Variants in SP3 observed in about 807,000 individuals in gnomAD.
The protein encoded by SP3 is Sp3 transcription factor.
In SP3, 10 loss-of-function variants were observed where a neutral mutation model predicts 70.3. That is an observed-to-expected ratio of 0.14 (90% confidence interval 0.09 to 0.24). SP3 has a LOEUF of 0.24. Among genes scored for constraint, SP3 ranks in the 10% least tolerant of loss-of-function variants. The pLI is 1.00. For synonymous variants in SP3, 402 were observed against 333.5 expected, an observed-to-expected ratio of 1.21 and a Z score of -2.24; for missense variants, 825 against 914.6, an observed-to-expected ratio of 0.90 and a Z score of 1.26.
At chr2:173,922,211 C>A (rs1559093425) in intron 4 of SP3, among the ~76,000 whole-genome samples, 1 of 151,590 alleles carries the variant, frequency 6.6e-6, no homozygotes, top group Non-Finnish European at 1.5e-5. Context: ...AAAGTAGAGT[C>A]AAAGACATCT....
At chr2:173,911,189 A>G (rs2105452708) in intron 6 of SP3, among the ~76,000 whole-genome samples, 1 of 152,318 alleles carries the variant, frequency 6.6e-6, no homozygotes, top group East Asian at 1.9e-4. Flanking sequence ...CTTAAAGACC[A>G]AATTTTATTA....
chr2:173,933,460 CCAT>C (rs1690123562), intron 4 of SP3, among the ~76,000 whole-genome samples: 1 of 151,428 alleles, frequency 6.6e-6, no homozygotes, highest in Admixed American at 6.6e-5. Context: ...TTATTCACAT[CCAT>C]CATAAGTCAG....
chr2:173,948,568 T>C (rs1191997789), intron 4 of SP3, among the ~76,000 whole-genome samples: 1 of 152,106 alleles, frequency 6.6e-6, no homozygotes, highest in East Asian at 1.9e-4. Context: ...AAACTAAAAA[T>C]TAAGCAATAT....
intron 5 of SP3, among the ~76,000 whole-genome samples, chr2:173,917,986 T>G (rs770387344): frequency 6.0e-5 from 9 of 151,214 alleles, no homozygotes; most frequent in Admixed American, 3.3e-4. Flanking sequence ...TCAGTCTGGA[T>G]CTTGTTTTTT....
chr2:173,933,638 T>TTATGTATATATATA (rs1690128509), intron 4 of SP3, among the ~76,000 whole-genome samples: 1 of 86,566 alleles, frequency 1.2e-5, no homozygotes, highest in Non-Finnish European at 2.4e-5. Context: ...TTATAAAACT[T>TTATGTATATATATA]TATATATATA....
rs765436338 is a variant in SP3, at chr2:173,913,026, G to A, written c.2029+44C>T. ...AAAAAGAAGTCAAGGCAGTTATGTAGCCCTATAATTCATTTTTGTCTGTTA... is the reference window on the plus strand; with the variant it reads ...AAAAAGAAGTCAAGGCAGTTATGTAACCCTATAATTCATTTTTGTCTGTTA... On this transcript the variant is annotated intron_variant, in intron 6 of 6. Coordinates refer to ENST00000310015, the MANE Select transcript of SP3 (RefSeq NM_003111.5). 9 of 1,414,638 alleles carry A rather than the reference G, an allele frequency of 6.4e-6. No individual in the cohort carries two copies. In the African/African-American group the frequency reaches 1.3e-4, roughly 20 times the overall value. The allele number at this position is 1,414,638 out of a possible 1,614,324, so 87.6% of individuals were successfully genotyped here.
intron 1 of SP3, 156 bp downstream of exon 1, chr2:173,965,009 G>C (rs1394031782): frequency 2.1e-6 from 2 of 933,420 alleles, no homozygotes; most frequent in Non-Finnish European, 3.1e-6. Context: ...TGGCGGGGAG[G>C]GGAGGGAGGC....
In SP3 at chr2:173,932,364, G is replaced by A. The variant is rs143213151; in HGVS notation, c.1640-13579C>T. Among the ~76,000 whole-genome samples, 724 of 152,176 alleles carry A rather than the reference G, an allele frequency of 4.8e-3. 12 individuals are homozygous for A. The highest frequency in any genetic ancestry group is 0.032 in the Admixed American group (492 of 15,276). On this transcript the variant is annotated intron_variant, in intron 4 of 6. Transcript: ENST00000310015. Reference sequence around the variant, plus strand: ...CTGCCATCACGCCCGGCTAATTTTTGTATTTTCTGTAGAGATGGGTTTCAC... The same window carrying A: ...CTGCCATCACGCCCGGCTAATTTTTATATTTTCTGTAGAGATGGGTTTCAC...
At chr2:173,964,674 C>A in intron 1 of SP3, 121 bp from the exon 2 acceptor site, 2 of 432,848 alleles carry the variant, frequency 4.6e-6, no homozygotes, top group East Asian at 3.7e-5. Flanking sequence ...TCCCCTCCCC[C>A]ACCCGCCCCC....
Position 173,955,911 on chromosome 2 carries a change from T to C in SP3, c.601A>G (p.Ser201Gly). Residue 201 changes from serine (S) to glycine (G), a missense_variant, in exon 4 of 7, where the codon AGC (serine) becomes GGC (glycine). Ser to Gly is a moderately conservative substitution (Grantham distance 56). Transcript: ENST00000310015. Reference sequence around the variant, plus strand: ...CCAGGAATGATCTGAATTTGACTGCTTTCTTGATTTATACCCCCATTATCT... The same window carrying C: ...CCAGGAATGATCTGAATTTGACTGCCTTCTTGATTTATACCCCCATTATCT... ...SSDNGGINQESSQIQIIPGSN... is the reference protein window; with the variant it reads ...SSDNGGINQEGSQIQIIPGSN... 2 of 1,614,196 alleles carry C rather than the reference T, an allele frequency of 1.2e-6. No homozygotes were observed. Among genetic ancestry groups the C allele is most frequent in the Non-Finnish European group, 1.7e-6 (2 of 1,180,030 alleles).
chr2:173,965,406 C>G (rs1395998376), upstream of SP3: 1 of 559,618 alleles, frequency 1.8e-6, no homozygotes, highest in Non-Finnish European at 3.2e-6. Context: ...CTCTTCTTGG[C>G]TCTCATTCGC....
At chr2:173,960,840 G>A (rs557822191) in intron 3 of SP3, among the ~76,000 whole-genome samples, 165 of 152,168 alleles carry the variant, frequency 1.1e-3, no homozygotes, top group African/African-American at 3.8e-3. Context: ...GCCGGGCATG[G>A]TGGCACACGC....
chr2:173,961,121 TTAC>T (rs1156690117), intron 3 of SP3, among the ~76,000 whole-genome samples: 1 of 152,228 alleles, frequency 6.6e-6, no homozygotes, highest in African/African-American at 2.4e-5. Context: ...ATTTCCTGGT[TTAC>T]TACTAAAATT....
chr2:173,964,603 G>C (rs1457908682), intron 1 of SP3, 50 bp from the exon 2 acceptor site: 1 of 646,800 alleles, frequency 1.5e-6, no homozygotes, highest in Admixed American at 2.2e-5. Context: ...GCGGGTGGCG[G>C]AGAGGGAGGG....
chr2:173,925,625 T>C (rs895268907), intron 4 of SP3, among the ~76,000 whole-genome samples: 28 of 152,180 alleles, frequency 1.8e-4, no homozygotes, highest in Non-Finnish European at 2.2e-4. Flanking sequence ...CCCACTCCCA[T>C]AGAGGACTTA....
At chr2:173,956,460 G>C (rs138515543) in intron 3 of SP3, among the ~76,000 whole-genome samples, 98 of 152,092 alleles carry the variant, frequency 6.4e-4, no homozygotes, top group Non-Finnish European at 1.3e-3. Flanking sequence ...AAAAATTCTC[G>C]GAATGTTCAT....
rs1689403732 is a variant in SP3 at position 173,909,014 on chromosome 2, T to A, written c.*927A>T. On this transcript the variant is annotated 3_prime_UTR_variant, in exon 7 of 7. Coordinates refer to ENST00000310015, the MANE Select transcript of SP3 (RefSeq NM_003111.5). Reference sequence around the variant, plus strand: ...TCACTATGGAAGTGATTTTGTTATGTTTGCATATGTTACACTTTACTGGTA... The same window carrying A: ...TCACTATGGAAGTGATTTTGTTATGATTGCATATGTTACACTTTACTGGTA... 1 of 152,488 alleles carries A rather than the reference T, an allele frequency of 6.6e-6. No homozygotes were observed. 9.4% of individuals were successfully genotyped at this position (152,488 alleles called of 1,614,324 possible).
At chr2:173,922,896 AT>A (rs149625838) in intron 4 of SP3, among the ~76,000 whole-genome samples, 2,473 of 152,294 alleles carry the variant, frequency 0.016, 72 homozygotes, top group African/African-American at 0.057. Context: ...AAAAGCAAGC[AT>A]TATAAAATTG....
intron 6 of SP3, 59 bp downstream of exon 6, chr2:173,913,006 GAAGTC>G: frequency 8.1e-7 from 1 of 1,236,956 alleles, no homozygotes; most frequent in Non-Finnish European, 1.1e-6. Context: ...TAATAAAAAA[GAAGTC>G]AAGGCAGTTA....
Sources: allele counts gnomAD v4.1 joint callset (sites outside exome capture counted in the v4.1 genomes callset), GRCh38; gene constraint gnomAD v4.1.1; transcripts MANE v1.5; gene names NCBI Gene and HGNC (gene_info 2026-07-23, HGNC 2026-07-21).